Variants in GSN observed in about 807,000 individuals in gnomAD.
GSN encodes the protein actin-depolymerizing factor.
Under a neutral mutation model 85.7 loss-of-function variants are expected in GSN, and 56 were observed. That is an observed-to-expected ratio of 0.65 (90% CI 0.53 to 0.82). The LOEUF (loss-of-function observed/expected upper bound fraction) is 0.82. GSN is among the 40% of genes least tolerant of loss of function. GSN has a pLI of 0.00. For synonymous variants in GSN, 373 were observed against 399.1 expected (o/e 0.93, Z 0.78); for missense variants, 857 against 979.8 (o/e 0.87, Z 1.67).
intron 4 of GSN, chr9:121,309,477 C>T (rs2060826065): frequency 6.6e-6 from 1 of 152,098 alleles, no homozygotes; most frequent in South Asian, 2.1e-4. Context: ...GGGCACCTGT[C>T]CCTTACCCAT....
chr9:121,317,705 C>T (rs2061883763), intron 8 of GSN: 1 of 242,374 alleles, frequency 4.1e-6, no homozygotes, highest in East Asian at 1.1e-4. Context: ...CTCTTGGAAA[C>T]CATTGGCCCA....
rs569648411 is a variant in GSN at position 121,226,187 on chromosome 9, TCATTCCTC to T, written c.-527-4974_-527-4967del. ...TGGGAGCTCACCCAGGCTCTTCAAG[TCATTCCTC>T]CATCAATATTGGTTGGGCAAGTATG... On this transcript the variant is annotated intron_variant, in intron 4 of 24. Transcript: ENST00000373823. 2.0e-5 allele frequency among the ~76,000 whole-genome samples: 3 copies of T among 152,304 alleles called. No individual in the cohort carries two copies. In the East Asian group the frequency reaches 5.8e-4, roughly 29 times the overall value.
intron 11 of GSN, among the ~76,000 whole-genome samples, chr9:121,322,211 T>C (rs2062560299): frequency 6.6e-6 from 1 of 152,138 alleles, no homozygotes; most frequent in Non-Finnish European, 1.5e-5. Flanking sequence ...ATCCTTCCAG[T>C]AACTCTTCGT....
intron 2 of GSN, among the ~76,000 whole-genome samples, chr9:121,294,806 G>A (rs1261484514): frequency 6.6e-6 from 1 of 152,226 alleles, no homozygotes; most frequent in Non-Finnish European, 1.5e-5. Flanking sequence ...ACCCTGAAAA[G>A]TCACCCTCTT....
At position 121,221,974 on chromosome 9, in the gene GSN, C is replaced by G. The variant is rs182858759; in HGVS notation, c.-527-9191C>G. ...GGGTCTCCTTAGATAAATAACCAAGCCCTACAGAGTGAGGAAGCTGCTCAC... is the reference window on the plus strand; with the variant it reads ...GGGTCTCCTTAGATAAATAACCAAGGCCTACAGAGTGAGGAAGCTGCTCAC... On this transcript the variant is annotated intron_variant, in intron 4 of 24. Coordinates refer to the GSN transcript ENST00000373823. Among the ~76,000 whole-genome samples the G allele has an allele frequency of 1.3e-3, 198 of 152,328 alleles. 1 individual carries two copies. The highest frequency in any genetic ancestry group is 4.7e-3 in the African/African-American group (197 of 41,564).
intron 1 of GSN, among the ~76,000 whole-genome samples, chr9:121,276,791 G>A (rs1001395186): frequency 6.6e-6 from 1 of 151,788 alleles, no homozygotes; most frequent in African/African-American, 2.4e-5. Flanking sequence ...GGGTCCTGTA[G>A]TGGGGTGGGA....
chr9:121,270,030 G>A (rs2055701311), intron 1 of GSN, among the ~76,000 whole-genome samples: 1 of 152,214 alleles, frequency 6.6e-6, no homozygotes, highest in Non-Finnish European at 1.5e-5. Flanking sequence ...ACTTCAGCCT[G>A]CAAGAGGAGT....
rs148360076 is a variant in GSN, at chr9:121,332,472, C to T, written c.2065C>T (p.Arg689Trp). Reference sequence around the variant, plus strand: ...CGAGACGGACCCAGCCAATCGGGATCGGCGGACGCCCATCACCGTGGTGAA... The same window carrying T: ...CGAGACGGACCCAGCCAATCGGGATTGGCGGACGCCCATCACCGTGGTGAA... ...YIETDPANRD[R>W]RTPITVVKQG... is the part of the protein sequence containing the mutation. The change falls in exon 18 of 18, where the codon CGG becomes TGG. Residue 689 changes from arginine (R) to tryptophan (W), a missense_variant. Physicochemically the swap from Arg to Trp is moderately radical, Grantham distance 101 (BLOSUM62 -3). Coordinates refer to ENST00000432226, the MANE Select transcript of GSN (RefSeq NM_198252.3). This position sits in a 1 kb window ranked among gnomAD's most constrained non-coding sequence, Gnocchi z 4.8. 59 of 1,613,824 alleles carry T rather than the reference C, an allele frequency of 3.7e-5. No individual in the cohort carries two copies. Among genetic ancestry groups the T allele is most frequent in the African/African-American group, 1.1e-4 (8 of 74,920 alleles).
At chr9:121,245,744 A>C (rs1246111242) in intron 5 of GSN, among the ~76,000 whole-genome samples, 19 of 152,108 alleles carry the variant, frequency 1.2e-4, no homozygotes, top group Non-Finnish European at 1.5e-5. Context: ...TGAAAAGAAA[A>C]ACACTTTTTA....
chr9:121,300,814 C>A (rs752502713), intron 2 of GSN, among the ~76,000 whole-genome samples: 10 of 152,116 alleles, frequency 6.6e-5, no homozygotes, highest in Non-Finnish European at 1.0e-4. Flanking sequence ...GCGCAGGAGG[C>A]CACTTGGACT....
intron 8 of GSN, 32 bp downstream of exon 8, chr9:121,317,250 C>T: frequency 2.5e-6 from 4 of 1,611,892 alleles, no homozygotes; most frequent in Non-Finnish European, 3.4e-6. Flanking sequence ...TCCCAACTGG[C>T]CTGTAGGATC....
chr9:121,271,489 T>C (rs553186805), intron 1 of GSN, among the ~76,000 whole-genome samples: 1 of 152,332 alleles, frequency 6.6e-6, no homozygotes, highest in Admixed American at 6.5e-5. Flanking sequence ...GGAAACTGAG[T>C]CCGAGGCTGA....
chr9:121,312,554 T>C, intron 6 of GSN, 66 bp downstream of exon 6: 1 of 1,334,630 alleles, frequency 7.5e-7, no homozygotes, highest in Admixed American at 2.5e-5. Context: ...TTCTGTTCAG[T>C]AGGCAATTTG....
chr9:121,207,785 C>CACTT (rs1452992090), upstream of GSN: 4 of 150,464 alleles, frequency 2.7e-5, no homozygotes, highest in Non-Finnish European at 5.9e-5. Context: ...CTTCCTGTCT[C>CACTT]ACTTGGTCAC....
chr9:121,317,054 A>G (rs375911693), intron 7 of GSN, 32 bp from the exon 8 acceptor site: 18 of 1,613,660 alleles, frequency 1.1e-5, no homozygotes, highest in Non-Finnish European at 1.4e-5. Flanking sequence ...ACAGACACTC[A>G]TGTGCTGGTT....
At chr9:121,234,049 A>G (rs1441996964) in intron 5 of GSN, among the ~76,000 whole-genome samples, 3 of 152,222 alleles carry the variant, frequency 2.0e-5, no homozygotes, top group African/African-American at 7.2e-5. Context: ...TATGCAATGC[A>G]TGACCTAAGC....
the GSN span, among the ~76,000 whole-genome samples, chr9:121,202,715 A>C: frequency 6.6e-6 from 1 of 152,258 alleles, no homozygotes; most frequent in Non-Finnish European, 1.5e-5. Flanking sequence ...TAAGTTAAAT[A>C]TATGTATAAA....
intron 4 of GSN, among the ~76,000 whole-genome samples, chr9:121,230,964 A>C (rs1439391290): frequency 2.0e-5 from 3 of 152,216 alleles, no homozygotes; most frequent in Non-Finnish European, 2.9e-5. Context: ...TCTTCACTGC[A>C]AACTTCACAG....
intron 2 of GSN, chr9:121,300,022 C>T (rs768555766): frequency 7.3e-6 from 11 of 1,510,954 alleles, no homozygotes; most frequent in Non-Finnish European, 9.8e-6. Context: ...GCCCGGGGGG[C>T]CCCGGGGCTC....
Sources: allele counts gnomAD v4.1 joint callset (sites outside exome capture counted in the v4.1 genomes callset), GRCh38; gene constraint gnomAD v4.1.1; non-coding constraint Gnocchi (gnomAD v3.1); transcripts MANE v1.5; gene names NCBI Gene and HGNC (gene_info 2026-07-23, HGNC 2026-07-21).